CSMD1: variants seen among roughly 807,000 people sequenced by gnomAD.
CSMD1 encodes the protein CUB and Sushi multiple domains 1.
A neutral mutation model predicts 417.5 loss-of-function variants in CSMD1; 213 were observed. That is an observed-to-expected ratio of 0.51 (90% CI 0.46 to 0.57). The LOEUF (loss-of-function observed/expected upper bound fraction) is 0.57, where lower values mean the gene tolerates loss of function less well. Ranked by LOEUF, CSMD1 falls within the 20% of genes least tolerant of loss-of-function variation. The probability of loss-of-function intolerance (pLI) is 0.00; values close to 1 mark genes in which losing one functional copy is unlikely to be tolerated. For missense variants in CSMD1, 6,923 were observed against 4,529.7 expected (o/e 1.53, Z -15.17); for synonymous variants, 2,862 against 1,736.8 (o/e 1.65, Z -16.11).
chr8:4,112,973 T>C (rs1801936027), intron 3 of CSMD1, among the ~76,000 whole-genome samples: 1 of 152,220 alleles, frequency 6.6e-6, no homozygotes, highest in South Asian at 2.1e-4. Flanking sequence ...TCTTTCAATA[T>C]TTCAAAAGTT....
At chr8:3,473,648 G>C (rs907447353) in intron 11 of CSMD1, among the ~76,000 whole-genome samples, 8 of 152,138 alleles carry the variant, frequency 5.3e-5, no homozygotes, top group Admixed American at 3.9e-4. Context: ...TACTGGCTTT[G>C]ATTAAATACA....
intron 1 of CSMD1, among the ~76,000 whole-genome samples, chr8:4,764,042 G>A (rs919177852): frequency 6.6e-6 from 1 of 152,240 alleles, no homozygotes. Context: ...AGATGCCCAT[G>A]AATTACGCTG....
At chr8:4,638,956 C>G (rs1238886409) in intron 1 of CSMD1, among the ~76,000 whole-genome samples, 2 of 152,146 alleles carry the variant, frequency 1.3e-5, no homozygotes. Context: ...GAATAGAACC[C>G]TTGAGTAAAT....
At position 4,366,536 on chromosome 8, in the gene CSMD1, C is replaced by T. The variant is rs181148519; in HGVS notation, c.415+53417G>A. On this transcript the variant is annotated intron_variant, in intron 3 of 69. Transcript: ENST00000635120. ...CACAGTAGCTTAATTAATTTGCATT[C>T]CACTCACAGCATATAAAAACGTTAC... 1.3e-4 allele frequency among the ~76,000 whole-genome samples: 20 copies of T among 152,248 alleles called. No individual in the cohort carries two copies. The East Asian group carries it at 3.9e-3, about 29-fold the overall frequency.
At chr8:3,717,545 G>T (rs1585125723) in intron 6 of CSMD1, among the ~76,000 whole-genome samples, 1 of 152,110 alleles carries the variant, frequency 6.6e-6, no homozygotes, top group African/African-American at 2.4e-5. Context: ...TAGGTTCACA[G>T]GTTATTGCAG....
At chr8:3,232,732 C>T (rs776528625) in intron 26 of CSMD1, among the ~76,000 whole-genome samples, 6 of 152,066 alleles carry the variant, frequency 3.9e-5, no homozygotes, top group African/African-American at 9.7e-5. Flanking sequence ...GGATTTCTCT[C>T]GACCATCTTA....
intron 3 of CSMD1, among the ~76,000 whole-genome samples, chr8:4,351,815 C>A (rs968267892): frequency 3.9e-5 from 6 of 152,122 alleles, no homozygotes; most frequent in African/African-American, 1.4e-4. Flanking sequence ...TCAAAAGGAG[C>A]AGAGCAACAC....
intron 5 of CSMD1, among the ~76,000 whole-genome samples, chr8:3,973,906 G>C (rs540994243): frequency 1.3e-5 from 2 of 152,176 alleles, no homozygotes; most frequent in East Asian, 1.9e-4. Flanking sequence ...TACATGAAAT[G>C]TTTTGATACA....
At chr8:4,837,834 A>G (rs1304868961) in intron 1 of CSMD1, among the ~76,000 whole-genome samples, 3 of 152,132 alleles carry the variant, frequency 2.0e-5, no homozygotes, top group East Asian at 1.9e-4. Context: ...TATTTGATAT[A>G]GCATGCCTAT....
chr8:4,795,189 G>A (rs928598613), intron 1 of CSMD1, among the ~76,000 whole-genome samples: 11 of 146,142 alleles, frequency 7.5e-5, no homozygotes, highest in Admixed American at 3.4e-4. Flanking sequence ...GTGAAAAGAC[G>A]CTTAACCAGC....
intron 26 of CSMD1, among the ~76,000 whole-genome samples, chr8:3,274,952 T>A (rs1234593937): frequency 6.6e-6 from 1 of 152,192 alleles, no homozygotes; most frequent in South Asian, 2.1e-4. Flanking sequence ...TTGTTATGTG[T>A]GAATTTGATC....
intron 3 of CSMD1, among the ~76,000 whole-genome samples, chr8:4,368,555 T>C (rs141864632): frequency 1.3e-5 from 2 of 152,296 alleles, no homozygotes; most frequent in Non-Finnish European, 2.9e-5. Context: ...AGGTACTAGC[T>C]CTTTTTTGTA....
In CSMD1 at chr8:4,596,021, A is replaced by C. The variant is rs146955261; in HGVS notation, c.302+41321T>G. On this transcript the variant is annotated intron_variant, in intron 2 of 69. Coordinates refer to ENST00000635120, the MANE Select transcript of CSMD1 (RefSeq NM_033225.6). ...CCATAACCAGATCCACCACTTGAAC[A>C]CTCCCTGTTTGCCACACTGCCCACA... 8.2e-3 allele frequency among the ~76,000 whole-genome samples: 1,245 copies of C among 151,610 alleles called. 10 individuals are homozygous for C. Among genetic ancestry groups the C allele is most frequent in the African/African-American group, 0.019 (795 of 41,312 alleles).
At chr8:4,361,650 A>G (rs1258756641) in intron 3 of CSMD1, among the ~76,000 whole-genome samples, 2 of 152,018 alleles carry the variant, frequency 1.3e-5, no homozygotes, top group African/African-American at 2.4e-5. Flanking sequence ...GTTTTTCCTT[A>G]AAGAAGTTTC....
intron 26 of CSMD1, among the ~76,000 whole-genome samples, chr8:3,262,871 C>G (rs1161314441): frequency 2.0e-5 from 3 of 152,016 alleles, no homozygotes; most frequent in African/African-American, 7.3e-5. Context: ...AAGTAAATTA[C>G]TTTTATTTTG....
At chr8:3,435,426 T>C (rs1174119399) in intron 12 of CSMD1, among the ~76,000 whole-genome samples, 1 of 152,130 alleles carries the variant, frequency 6.6e-6, no homozygotes, top group Non-Finnish European at 1.5e-5. Context: ...ACATCACCTG[T>C]GGATGCCTAT....
rs532538829 is a variant in CSMD1 at position 3,756,653 on chromosome 8, A to C, written c.819-2611T>G. 2.0e-5 allele frequency among the ~76,000 whole-genome samples: 3 copies of C among 152,350 alleles called. No homozygotes were observed. In the East Asian group the frequency reaches 5.8e-4, roughly 29 times the overall value. On this transcript the variant is annotated intron_variant, in intron 5 of 69. Transcript: ENST00000635120. ...TATGGTGATAGAAGACTATGAATAC[A>C]AAAGATCAGCGAATGTAGGAAGCTG...
At chr8:4,514,190 C>T (rs539406102) in intron 2 of CSMD1, among the ~76,000 whole-genome samples, 61 of 152,236 alleles carry the variant, frequency 4.0e-4, no homozygotes, top group African/African-American at 1.2e-3. Flanking sequence ...ACCTTCTTAC[C>T]GTGTCCTCAT....
chr8:4,078,798 G>A (rs527430627), intron 3 of CSMD1, among the ~76,000 whole-genome samples: 18 of 149,394 alleles, frequency 1.2e-4, no homozygotes, highest in African/African-American at 4.4e-4. Context: ...CACTTTGGGA[G>A]GCCAAGGCAG....
Sources: allele counts gnomAD v4.1 joint callset (sites outside exome capture counted in the v4.1 genomes callset), GRCh38; gene constraint gnomAD v4.1.1; transcripts MANE v1.5; gene names NCBI Gene and HGNC (gene_info 2026-07-23, HGNC 2026-07-21).